The following CCSER2 variants were observed in gnomAD, a reference collection of about 807,000 sequenced individuals.
The protein encoded by CCSER2 is serine-rich coiled-coil domain-containing protein 2.
In CCSER2, 46 loss-of-function variants were observed where a neutral mutation model predicts 92.3. That is an observed-to-expected ratio of 0.50 (90% CI 0.39 to 0.64). The LOEUF (loss-of-function observed/expected upper bound fraction) is 0.64. Ranked by LOEUF, CCSER2 falls within the 30% of genes least tolerant of loss-of-function variation. The pLI is 0.00. For missense variants in CCSER2, 1,244 were observed against 1,238.9 expected (o/e 1.00, Z -0.06); for synonymous variants, 433 against 431.4 (o/e 1.00, Z -0.04).
chr10:84,480,269 TGC>T (rs1411524691), intron 9 of CCSER2, among the ~76,000 whole-genome samples: 2 of 152,118 alleles, frequency 1.3e-5, no homozygotes, highest in African/African-American at 4.8e-5. Context: ...GTGATCTTTT[TGC>T]CTCAGCCTCC....
At chr10:84,494,094 T>A (rs1454280431) in intron 9 of CCSER2, among the ~76,000 whole-genome samples, 19 of 152,200 alleles carry the variant, frequency 1.2e-4, no homozygotes, top group Admixed American at 1.2e-3. Context: ...GGGCAGTAGC[T>A]GTAAATACAG....
chr10:84,466,287 G>A (rs1036918045), intron 7 of CCSER2, among the ~76,000 whole-genome samples: 4 of 152,054 alleles, frequency 2.6e-5, no homozygotes, highest in African/African-American at 9.7e-5. Context: ...AAAATTGTAG[G>A]ATCTAAAGTC....
Position 84,372,316 on chromosome 10 carries a change from G to T in CCSER2, c.1264G>T (p.Glu422Ter). 2 of 1,612,466 alleles carry T rather than the reference G, an allele frequency of 1.2e-6. No individual in the cohort carries two copies. The highest frequency in any genetic ancestry group is 1.7e-6 in the Non-Finnish European group (2 of 1,178,970). The change falls in exon 2 of 10, where the codon GAA becomes TAA. Residue 422 changes from glutamate to a stop codon, truncating the protein, a stop_gained. Transcript: ENST00000372088. LOFTEE classifies it high-confidence loss of function. ...CTTTAGTGATGATTTTATAGATATA[G>T]AAGACTCCAACAGAACTAGAATAAC... ...EDFSDDFIDI[E>*]DSNRTRITPE... is the part of the protein sequence containing the mutation.
Position 84,517,722 on chromosome 10 carries a change from G to A in CCSER2, c.*3455G>A, listed in dbSNP as rs80179034. On this transcript the variant is annotated 3_prime_UTR_variant, in exon 10 of 10. Transcript: ENST00000372088. ...TTTTCTTTGAATGTTCCATTGTTCC[G>A]ATAAGTATTTTACTTTTTTCTCAGT... 1 of 152,530 alleles carries A rather than the reference G, an allele frequency of 6.6e-6. No homozygotes were observed. The highest frequency in any genetic ancestry group is 6.6e-5 in the Admixed American group (1 of 15,266). 9.4% of individuals were successfully genotyped at this position (152,530 alleles called of 1,614,324 possible).
intron 8 of CCSER2, 55 bp downstream of exon 8, chr10:84,470,513 T>C: frequency 7.7e-7 from 1 of 1,305,342 alleles, no homozygotes; most frequent in Admixed American, 4.1e-5. Context: ...AAATGTGTTT[T>C]TCATAAAACT....
chr10:84,432,530 C>G (rs140465985), intron 5 of CCSER2, among the ~76,000 whole-genome samples: 2 of 152,284 alleles, frequency 1.3e-5, no homozygotes, highest in African/African-American at 2.4e-5. Flanking sequence ...AGCGTTAATT[C>G]GCTTAGAATA....
At chr10:84,446,640 GGTTC>G (rs1390252812) in intron 6 of CCSER2, among the ~76,000 whole-genome samples, 2 of 152,038 alleles carry the variant, frequency 1.3e-5, no homozygotes, top group Non-Finnish European at 2.9e-5. Flanking sequence ...ACAACATAAG[GGTTC>G]AGTTTAACTT....
At chr10:84,401,693 G>A (rs191156849) in intron 3 of CCSER2, among the ~76,000 whole-genome samples, 1 of 152,156 alleles carries the variant, frequency 6.6e-6, no homozygotes, top group Non-Finnish European at 1.5e-5. Flanking sequence ...TACAAATCCA[G>A]CAATAACCTC....
chr10:84,415,088 C>CAT (rs1842829906), intron 3 of CCSER2, among the ~76,000 whole-genome samples: 1 of 152,156 alleles, frequency 6.6e-6, no homozygotes. Flanking sequence ...TGGGTAATAA[C>CAT]ATGCTCCTTT....
chr10:84,423,372 T>G (rs1332049120), intron 4 of CCSER2, among the ~76,000 whole-genome samples: 1 of 152,234 alleles, frequency 6.6e-6, no homozygotes, highest in Non-Finnish European at 1.5e-5. Context: ...AAATGTTTGC[T>G]TCTAATGCTT....
chr10:84,420,858 G>A (rs1010394561), intron 4 of CCSER2, among the ~76,000 whole-genome samples: 6 of 150,172 alleles, frequency 4.0e-5, no homozygotes, highest in East Asian at 2.0e-4. Context: ...GCTTAAACCC[G>A]GGAGGCAGAG....
chr10:84,423,271 G>A (rs1357869093), intron 4 of CCSER2, among the ~76,000 whole-genome samples: 5 of 152,168 alleles, frequency 3.3e-5, no homozygotes, highest in Admixed American at 3.3e-4. Flanking sequence ...AGTTAAACAT[G>A]ATACTTCCTG....
At chr10:84,405,413 T>C (rs1023101827) in intron 3 of CCSER2, among the ~76,000 whole-genome samples, 17 of 151,416 alleles carry the variant, frequency 1.1e-4, no homozygotes, top group Non-Finnish European at 1.8e-4. Context: ...GGTGAAAAGT[T>C]ATTAGAAATT....
At chr10:84,346,126 G>A (rs539603994) in intron 1 of CCSER2, among the ~76,000 whole-genome samples, 23 of 152,260 alleles carry the variant, frequency 1.5e-4, no homozygotes, top group African/African-American at 5.1e-4. Context: ...GTGCAGTGGC[G>A]CAATCTCGGC....
intron 9 of CCSER2, among the ~76,000 whole-genome samples, chr10:84,493,821 A>G (rs1277680675): frequency 6.6e-6 from 1 of 152,194 alleles, no homozygotes; most frequent in African/African-American, 2.4e-5. Flanking sequence ...TTATGATTAC[A>G]TTGTAATATA....
chr10:84,379,496 A>AT (rs1180948834), intron 3 of CCSER2, among the ~76,000 whole-genome samples: 1 of 151,460 alleles, frequency 6.6e-6, no homozygotes, highest in Non-Finnish European at 1.5e-5. Flanking sequence ...TAGATAATTG[A>AT]TTTTTAGCCT....
chr10:84,332,436 A>ATATATATATATATATAAATT (rs1401635246), intron 1 of CCSER2, among the ~76,000 whole-genome samples: 4 of 55,212 alleles, frequency 7.2e-5, no homozygotes, highest in African/African-American at 4.6e-4. Context: ...ATATATATAT[A>ATATATATATATATATAAATT]TTTTTTTTTT....
chr10:84,429,637 A>G (rs950383003), intron 5 of CCSER2, among the ~76,000 whole-genome samples: 1 of 117,494 alleles, frequency 8.5e-6, no homozygotes, highest in Non-Finnish European at 1.6e-5. Flanking sequence ...TTTTTTCTGC[A>G]TTAAGGATTT....
chr10:84,408,440 TCTTC>T (rs1231053335), intron 3 of CCSER2, among the ~76,000 whole-genome samples: 1 of 152,220 alleles, frequency 6.6e-6, no homozygotes, highest in South Asian at 2.1e-4. Context: ...TTTTTGCCTC[TCTTC>T]CTTCCTTCCT....
Sources: allele counts gnomAD v4.1 joint callset (sites outside exome capture counted in the v4.1 genomes callset), GRCh38; gene constraint gnomAD v4.1.1; transcripts MANE v1.5; gene names NCBI Gene and HGNC (gene_info 2026-07-23, HGNC 2026-07-21).